CD74: variants seen among roughly 807,000 people sequenced by gnomAD.
CD74 encodes HLA class II histocompatibility antigen gamma chain.
A neutral mutation model predicts 37.1 loss-of-function variants in CD74; 20 were observed. The ratio of observed to expected loss-of-function variants is 0.54; its 90% confidence interval spans 0.38 to 0.78. CD74 has a LOEUF of 0.78. CD74 is among the 30% of genes least tolerant of loss of function. The pLI, the probability that CD74 is intolerant of heterozygous loss-of-function variation, is 0.00. For synonymous variants in CD74, 150 were observed against 152.0 expected, an observed-to-expected ratio of 0.99 and a Z score of 0.10; for missense variants, 338 against 389.5, an observed-to-expected ratio of 0.87 and a Z score of 1.11.
At chr5:150,404,656 C>A (rs763894850) in intron 6 of CD74, 24 bp downstream of exon 6, 3 of 1,502,742 alleles carry the variant, frequency 2.0e-6, no homozygotes, top group East Asian at 2.4e-5. Context: ...AGCCCTGGCA[C>A]GCTAAAGCTC....
chr5:150,402,219 TGAAGACC>T lies in CD74; in HGVS notation c.*14_*20del. On this transcript the variant is annotated 3_prime_UTR_variant, in exon 9 of 9. Coordinates refer to ENST00000009530, the MANE Select transcript of CD74 (RefSeq NM_001025159.3). The surrounding 1 kb of genome is among the most constrained non-coding windows in gnomAD (Gnocchi z 4.2). ...TAGCTGTGTGGGGCTGGCAGGATGT[TGAAGACC>T]GCCTCTGCTGCTCTCACATGGGGAC... The T allele has an allele frequency of 6.2e-7, 1 of 1,600,126 alleles. No individual in the cohort carries two copies. The highest frequency in any genetic ancestry group is 8.5e-7 in the Non-Finnish European group (1 of 1,173,410).
chr5:150,402,201 G>C lies in CD74; in HGVS notation c.*39C>G. The C allele has an allele frequency of 6.3e-7, 1 of 1,594,716 alleles. No individual in the cohort carries two copies. Among genetic ancestry groups the C allele is most frequent in the Non-Finnish European group, 8.5e-7 (1 of 1,170,540 alleles). ...AAGGGAGCAAGAAAGCTGTAGCTGT[G>C]TGGGGCTGGCAGGATGTTGAAGACC... On this transcript the variant is annotated 3_prime_UTR_variant, in exon 9 of 9. Transcript: ENST00000009530. The surrounding 1 kb of genome is among the most constrained non-coding windows in gnomAD (Gnocchi z 4.2).
Position 150,404,765 on chromosome 5 carries a change from G to C in CD74, c.540C>G (p.Val180=), listed in dbSNP as rs772173442. 1 of 1,570,100 alleles carries C rather than the reference G, an allele frequency of 6.4e-7. No homozygotes were observed. Among genetic ancestry groups the C allele is most frequent in the Non-Finnish European group, 8.7e-7 (1 of 1,155,638 alleles). The change falls in exon 6 of 9, where the codon GTC becomes GTG. Residue 180 remains valine, a splice_region_variant and synonymous_variant. Transcript: ENST00000009530. The stretch of plus-strand genomic sequence containing the variant: ...GCCAATGGTGCATCCAGCTCTCAAA[G>C]ACCTAATACGGATAGAGGTGGAGGT... ...KNTMETIDWK[V]FESWMHHWLL... is the part of the protein sequence containing the mutation.
At position 150,402,655 on chromosome 5, in the gene CD74, C is replaced by T. The variant is rs374348220; in HGVS notation, c.818-30G>A. 223 of 1,580,478 alleles carry T rather than the reference C, an allele frequency of 1.4e-4. No individual in the cohort carries two copies. The highest frequency in any genetic ancestry group is 1.8e-4 in the Non-Finnish European group (214 of 1,157,966). ...AAAGGAGCAGCAAGTCCGTTTGTCA[C>T]TTGAAGTGCAGCCTACCTGACCCAA... On this transcript the variant is annotated intron_variant, in intron 7 of 8. Transcript: ENST00000009530. The surrounding 1 kb of genome is among the most constrained non-coding windows in gnomAD (Gnocchi z 4.2).
rs1256787715 is a variant in CD74 at position 150,401,945 on chromosome 5, CTTGTGTTGGAGGCTGCTG to C, written c.*277_*294del. ...CGTCCATGAGCCTAGGTCTTGGAGCCTTGTGTTGGAGGCTGCTGTGATGTCAGGAACGGGGATCTGTCT... is the reference window on the plus strand; with the variant it reads ...CGTCCATGAGCCTAGGTCTTGGAGCCTGATGTCAGGAACGGGGATCTGTCT... On this transcript the variant is annotated 3_prime_UTR_variant, in exon 9 of 9. Transcript: ENST00000009530. 8 of 1,021,252 alleles carry C rather than the reference CTTGTGTTGGAGGCTGCTG, an allele frequency of 7.8e-6. No homozygotes were observed. The African/African-American group carries it at 1.3e-4, about 16-fold the overall frequency. 63.3% of individuals were successfully genotyped at this position (1,021,252 alleles called of 1,614,324 possible). A position where few individuals can be genotyped will look rare whatever the true frequency, so the allele number is the denominator to read the frequency against.
rs766370704 is a variant in CD74, at chr5:150,407,186, C to T, written c.264G>A (p.Leu88=). Residue 88 remains leucine (L), a synonymous_variant, in exon 2 of 9, where the codon CTG becomes CTA. Transcript: ENST00000009530. The surrounding 1 kb of genome is among the most constrained non-coding windows in gnomAD (Gnocchi z 4.4). ...GCTTCATGCGCAGGTTCTCCAGCTG[C>T]AGGTTCTGGGAGGTGACTGTCAGTT... ...LDKLTVTSQN[L]QLENLRMKLP... The T allele has an allele frequency of 1.2e-6, 2 of 1,613,916 alleles. No homozygotes were observed. The highest frequency in any genetic ancestry group is 2.2e-5 in the South Asian group (2 of 91,072).
At chr5:150,409,242 C>G (rs2151183640) in intron 1 of CD74, among the ~76,000 whole-genome samples, 1 of 149,952 alleles carries the variant, frequency 6.7e-6, no homozygotes, top group African/African-American at 2.5e-5. Flanking sequence ...AGAAAGCAAG[C>G]TAGGCCGGGC....
At position 150,402,509 on chromosome 5, in the gene CD74, G is replaced by C. The variant is rs753892933; in HGVS notation, c.880+54C>G. The C allele has an allele frequency of 3.4e-6, 5 of 1,450,314 alleles. No homozygotes were observed. In the East Asian group the frequency reaches 9.0e-5, roughly 26 times the overall value. 89.8% of individuals were successfully genotyped at this position (1,450,314 alleles called of 1,614,324 possible). On this transcript the variant is annotated intron_variant, in intron 8 of 8. Transcript: ENST00000009530. This position sits in a 1 kb window ranked among gnomAD's most constrained non-coding sequence, Gnocchi z 4.2. ...CCTTCACCTGCCCACAAAGGAGCTGGCCCTGCTGGGGATGAGCTGCTGGTG... is the reference window on the plus strand; with the variant it reads ...CCTTCACCTGCCCACAAAGGAGCTGCCCCTGCTGGGGATGAGCTGCTGGTG...
Position 150,401,817 on chromosome 5 carries a change from G to A in CD74, c.*423C>T. On this transcript the variant is annotated 3_prime_UTR_variant, in exon 9 of 9. Coordinates refer to ENST00000009530, the MANE Select transcript of CD74 (RefSeq NM_001025159.3). ...AGTGGCTCAGCCTGCAGGTAAATAG[G>A]CTAGAAAAGCCAAGGCCAAAGGCTG... The A allele has an allele frequency of 1.6e-6, 1 of 633,100 alleles. No individual in the cohort carries two copies. Among genetic ancestry groups the A allele is most frequent in the South Asian group, 1.8e-5 (1 of 54,638 alleles). The allele number at this position is 633,100 out of a possible 1,614,324, so 39.2% of individuals were successfully genotyped here. A position where few individuals can be genotyped will look rare whatever the true frequency, so the allele number is the denominator to read the frequency against.
At chr5:150,411,750 C>A (rs939553006) in intron 1 of CD74, among the ~76,000 whole-genome samples, 2 of 152,086 alleles carry the variant, frequency 1.3e-5, no homozygotes, top group Non-Finnish European at 2.9e-5. Flanking sequence ...CAGAGCCTGT[C>A]CCTCCTTTCT....
At chr5:150,404,817 C>G (rs1444289459) in intron 5 of CD74, 50 bp from the exon 6 acceptor site, 3 of 1,267,526 alleles carry the variant, frequency 2.4e-6, no homozygotes, top group South Asian at 2.6e-5. Flanking sequence ...CACCAAGCCC[C>G]TACACTGCCT....
In CD74 at chr5:150,402,231, C is replaced by A. The variant is rs2151165577; in HGVS notation, c.*9G>T. On this transcript the variant is annotated 3_prime_UTR_variant, in exon 9 of 9. Coordinates refer to ENST00000009530, the MANE Select transcript of CD74 (RefSeq NM_001025159.3). This position sits in a 1 kb window ranked among gnomAD's most constrained non-coding sequence, Gnocchi z 4.2. ...GCTGGCAGGATGTTGAAGACCGCCT[C>A]TGCTGCTCTCACATGGGGACTGGAG... 1 of 1,601,826 alleles carries A rather than the reference C, an allele frequency of 6.2e-7. No individual in the cohort carries two copies. The highest frequency in any genetic ancestry group is 2.3e-5 in the East Asian group (1 of 44,436).
Position 150,401,691 on chromosome 5 carries a change from A to G in CD74, c.*549T>C. ...TGAACCATGGCCCTGAAAGCTGATA[A>G]CAAGCTTGGCTGAGCAGAGGGAACT... On this transcript the variant is annotated 3_prime_UTR_variant, in exon 9 of 9. Coordinates refer to ENST00000009530, the MANE Select transcript of CD74 (RefSeq NM_001025159.3). The G allele has an allele frequency of 1.8e-6, 1 of 548,170 alleles. No homozygotes were observed. Among genetic ancestry groups the G allele is most frequent in the South Asian group, 2.3e-5 (1 of 43,032 alleles). 34.0% of individuals were successfully genotyped at this position (548,170 alleles called of 1,614,324 possible).
rs752553953 is a variant in CD74 at position 150,407,224 on chromosome 5, CCTG to C, written c.223_225del (p.Gln75del). 6.2e-7 allele frequency: 1 copy of C among 1,613,932 alleles called. No homozygotes were observed. Among genetic ancestry groups the C allele is most frequent in the South Asian group, 1.1e-5 (1 of 91,062 alleles). On this transcript the variant is annotated inframe_deletion, in exon 2 of 9. Coordinates refer to ENST00000009530, the MANE Select transcript of CD74 (RefSeq NM_001025159.3). This position sits in a 1 kb window ranked among gnomAD's most constrained non-coding sequence, Gnocchi z 4.4. ...GTGACTGTCAGTTTGTCCAGCCGGC[CCTG>C]CTGCTGGTACAGGAAGTAGGCGGTG...
chr5:150,409,016 T>C (rs923386337), intron 1 of CD74, among the ~76,000 whole-genome samples: 3 of 152,106 alleles, frequency 2.0e-5, no homozygotes, highest in Non-Finnish European at 4.4e-5. Flanking sequence ...GGCCAGGAGT[T>C]CGAGACCAGT....
chr5:150,404,935 T>C (rs1203739101), intron 5 of CD74, 150 bp downstream of exon 5: 10 of 854,328 alleles, frequency 1.2e-5, no homozygotes, highest in Middle Eastern at 2.2e-4. Context: ...GAACCCCACA[T>C]ACTCTGCAGC....
chr5:150,407,121 G>C lies in CD74; in HGVS notation c.298+31C>G, dbSNP rs771385899. ...TCTGAGTTGAGGGATGGTGGGAGGT[G>C]GGGGGTATCAGGATGTAGGGGTGCA... On this transcript the variant is annotated intron_variant, in intron 2 of 8. Coordinates refer to ENST00000009530, the MANE Select transcript of CD74 (RefSeq NM_001025159.3). The surrounding 1 kb of genome is among the most constrained non-coding windows in gnomAD (Gnocchi z 4.4). 123 of 1,600,388 alleles carry C rather than the reference G, an allele frequency of 7.7e-5. No homozygotes were observed. The highest frequency in any genetic ancestry group is 9.7e-5 in the Non-Finnish European group (114 of 1,169,458).
rs74454446 is a variant in CD74 at position 150,404,576 on chromosome 5, G to A, written c.625+104C>T. The stretch of plus-strand genomic sequence containing the variant: ...GAGAGCTGAGAGGATGGGAGATTCC[G>A]CGGTGCTGGGACCAGGGAGTGCTGG... On this transcript the variant is annotated intron_variant, in intron 6 of 8. Transcript: ENST00000009530. 2.3e-3 allele frequency: 1,526 copies of A among 653,678 alleles called. 22 individuals carry two copies. The African/African-American group carries it at 0.024, about 10-fold the overall frequency. The allele number at this position is 653,678 out of a possible 1,614,324, so 40.5% of individuals were successfully genotyped here.
intron 3 of CD74, 94 bp from the exon 4 acceptor site, chr5:150,406,415 G>A: frequency 3.2e-6 from 3 of 936,392 alleles, no homozygotes; most frequent in Non-Finnish European, 5.3e-6. Context: ...GTAAGAGACT[G>A]GAATCGCAGG....
Sources: allele counts gnomAD v4.1 joint callset (sites outside exome capture counted in the v4.1 genomes callset), GRCh38; gene constraint gnomAD v4.1.1; non-coding constraint Gnocchi (gnomAD v3.1); transcripts MANE v1.5; gene names NCBI Gene and HGNC (gene_info 2026-07-23, HGNC 2026-07-21).